The following CDK15 variants were observed in gnomAD, a reference collection of about 807,000 sequenced individuals.
CDK15 encodes the protein cyclin-dependent kinase 15.
CDK15 carries 62 observed loss-of-function variants against 60.3 expected under a neutral mutation model. That is an observed-to-expected ratio of 1.03 (90% CI 0.84 to 1.27). The LOEUF (loss-of-function observed/expected upper bound fraction) is 1.27. Among genes scored for constraint, CDK15 ranks in the 50% most tolerant of loss-of-function variants. CDK15 has a pLI of 0.00. For missense variants in CDK15, 541 were observed against 527.8 expected (o/e 1.03, Z -0.25); for synonymous variants, 194 against 195.7 (o/e 0.99, Z 0.07).
intron 11 of CDK15, among the ~76,000 whole-genome samples, chr2:201,874,803 A>G (rs1017925882): frequency 1.3e-5 from 2 of 152,156 alleles, no homozygotes; most frequent in Non-Finnish European, 2.9e-5. Flanking sequence ...TCTTCCTAGT[A>G]TTGGATGTAT....
chr2:201,889,294 A>G (rs1699561093), intron 12 of CDK15: 1 of 985,296 alleles, frequency 1.0e-6, no homozygotes, highest in Non-Finnish European at 1.2e-6. Context: ...GAACCTGGGA[A>G]AAGCAATGCC....
At chr2:201,875,182 C>T (rs1187384900) in intron 11 of CDK15, among the ~76,000 whole-genome samples, 2 of 152,160 alleles carry the variant, frequency 1.3e-5, no homozygotes, top group Admixed American at 6.5e-5. Flanking sequence ...ATGTAGCTGT[C>T]CCGGCCCCCA....
intron 12 of CDK15, among the ~76,000 whole-genome samples, chr2:201,886,576 T>C (rs1273665610): frequency 4.6e-5 from 7 of 152,170 alleles, no homozygotes; most frequent in African/African-American, 1.7e-4. Context: ...CCACCTGCCT[T>C]GGCCTCCCAA....
chr2:201,851,663 C>T (rs1697915039), intron 9 of CDK15, among the ~76,000 whole-genome samples: 1 of 152,016 alleles, frequency 6.6e-6, no homozygotes, highest in Non-Finnish European at 1.5e-5. Flanking sequence ...AAGTCCTTTG[C>T]CCACTTTTTT....
chr2:201,890,406 C>A (rs1699603109), intron 12 of CDK15, among the ~76,000 whole-genome samples: 1 of 152,210 alleles, frequency 6.6e-6, no homozygotes, highest in South Asian at 2.1e-4. Flanking sequence ...TCAAAGGGCA[C>A]CTTGTCTATG....
intron 4 of CDK15, 145 bp downstream of exon 4, chr2:201,812,707 A>G: frequency 2.0e-6 from 1 of 497,658 alleles, no homozygotes; most frequent in Non-Finnish European, 3.6e-6. Context: ...AAGTTTTTCA[A>G]GAAATTTACA....
intron 9 of CDK15, among the ~76,000 whole-genome samples, chr2:201,848,775 G>T (rs1697780519): frequency 6.6e-6 from 1 of 152,058 alleles, no homozygotes; most frequent in African/African-American, 2.4e-5. Flanking sequence ...TGCTATCCTG[G>T]ATCCTGCTGC....
intron 12 of CDK15, among the ~76,000 whole-genome samples, chr2:201,883,800 G>A (rs1479065942): frequency 6.6e-6 from 1 of 152,236 alleles, no homozygotes; most frequent in African/African-American, 2.4e-5. Flanking sequence ...CAGCAGGGCA[G>A]GACGTCAGCT....
intron 8 of CDK15, among the ~76,000 whole-genome samples, chr2:201,836,908 A>G (rs1156300277): frequency 2.6e-5 from 4 of 151,914 alleles, no homozygotes; most frequent in Non-Finnish European, 5.9e-5. Flanking sequence ...AAAGTCATGT[A>G]TCCTCTCTGT....
chr2:201,872,853 C>T (rs763240993), intron 11 of CDK15, among the ~76,000 whole-genome samples: 3 of 152,190 alleles, frequency 2.0e-5, no homozygotes, highest in Non-Finnish European at 2.9e-5. Context: ...AGGCAACCTC[C>T]GGGCTAAGAA....
intron 11 of CDK15, among the ~76,000 whole-genome samples, chr2:201,873,158 T>C (rs1231872019): frequency 6.6e-6 from 1 of 152,242 alleles, no homozygotes; most frequent in Non-Finnish European, 1.5e-5. Flanking sequence ...TCTTCACTCT[T>C]ACTGTTCATT....
At chr2:201,855,079 A>G in intron 10 of CDK15, 142 bp downstream of exon 10, 1 of 693,760 alleles carries the variant, frequency 1.4e-6, no homozygotes, top group Non-Finnish European at 2.5e-6. Context: ...ATATTCCCTG[A>G]CTAATCTTTG....
Position 201,847,439 on chromosome 2 carries a change from T to A in CDK15, c.910T>A (p.Ser304Thr). ...FQGQPLFPGV[S>T]NILEQLEKIW... ...GGGTCAACCTTTGTTTCCTGGGGTT[T>A]CCAACATCCTTGAACAGCTGGAGAA... Residue 304 changes from serine (S) to threonine (T), a missense_variant, in exon 9 of 14, where the codon TCC becomes ACC. Transcript: ENST00000652192. 1 of 1,614,138 alleles carries A rather than the reference T, an allele frequency of 6.2e-7. No individual in the cohort carries two copies. Among genetic ancestry groups the A allele is most frequent in the Non-Finnish European group, 8.5e-7 (1 of 1,180,014 alleles).
At chr2:201,890,167 TCTAA>T (rs1380586689) in intron 12 of CDK15, among the ~76,000 whole-genome samples, 1 of 151,902 alleles carries the variant, frequency 6.6e-6, no homozygotes, top group Non-Finnish European at 1.5e-5. Flanking sequence ...AACATCACCC[TCTAA>T]CTAACGTCCG....
chr2:201,814,490 G>C (rs144790806), intron 4 of CDK15, among the ~76,000 whole-genome samples: 2 of 152,278 alleles, frequency 1.3e-5, no homozygotes, highest in African/African-American at 4.8e-5. Context: ...CTTGTTAAAA[G>C]AGCCCTCTCC....
At chr2:201,838,697 G>A (rs562667033) in intron 8 of CDK15, among the ~76,000 whole-genome samples, 26 of 152,176 alleles carry the variant, frequency 1.7e-4, no homozygotes, top group African/African-American at 4.3e-4. Context: ...ATAAGCCACC[G>A]TGCCCAACCA....
chr2:201,835,808 G>A (rs1015354328), intron 8 of CDK15, 45 bp downstream of exon 8: 2 of 1,404,096 alleles, frequency 1.4e-6, no homozygotes, highest in East Asian at 2.6e-5. Context: ...ACTCACGAGG[G>A]TTGCTTTATC....
At chr2:201,871,557 G>T (rs1232545562) in intron 10 of CDK15, among the ~76,000 whole-genome samples, 1 of 151,882 alleles carries the variant, frequency 6.6e-6, no homozygotes, top group African/African-American at 2.4e-5. Flanking sequence ...TGTAAGCTCT[G>T]CAGAGGTAGT....
chr2:201,818,086 C>T (rs2106162560), intron 4 of CDK15, among the ~76,000 whole-genome samples: 1 of 152,240 alleles, frequency 6.6e-6, no homozygotes, highest in African/African-American at 2.4e-5. Context: ...TATATAATTC[C>T]TCATAAACTC....
Sources: gnomAD v4.1 joint callset for allele counts (sites outside exome capture counted in the v4.1 genomes callset) on GRCh38, gnomAD v4.1.1 for gene constraint, MANE v1.5 for transcripts, NCBI Gene and HGNC (gene_info 2026-07-23, HGNC 2026-07-21) for gene names.